The following SMARCAD1 variants were observed in gnomAD, a reference collection of about 807,000 sequenced individuals.
SMARCAD1 encodes the protein SNF2 related chromatin remodeling ATPase with DExD box 1.
In SMARCAD1, 25 loss-of-function variants were observed where a neutral mutation model predicts 127.1. The ratio of observed to expected loss-of-function variants is 0.20; its 90% CI spans 0.14 to 0.27. SMARCAD1 has a LOEUF of 0.27. SMARCAD1 is among the 10% of genes least tolerant of loss of function. The probability of loss-of-function intolerance (pLI) is 1.00; values close to 1 mark genes in which losing one functional copy is unlikely to be tolerated. For synonymous variants in SMARCAD1, 400 were observed against 396.9 expected (o/e 1.01, Z -0.09); for missense variants, 807 against 1,206.0 (o/e 0.67, Z 4.90).
chr4:94,249,553 A>G, intron 6 of SMARCAD1, 101 bp from the exon 7 acceptor site: 1 of 726,436 alleles, frequency 1.4e-6, no homozygotes, highest in South Asian at 1.5e-5. Flanking sequence ...CTGACTGATG[A>G]TGATAATTTT....
intron 9 of SMARCAD1, 21 bp downstream of exon 9, chr4:94,253,028 T>TC (rs2125918196): frequency 6.2e-7 from 1 of 1,607,370 alleles, no homozygotes; most frequent in Non-Finnish European, 8.5e-7. Flanking sequence ...ATTCTTTTTT[T>TC]CCCCTTGTAT....
At chr4:94,289,258 A>G (rs112954423) in intron 23 of SMARCAD1, among the ~76,000 whole-genome samples, 241 of 152,248 alleles carry the variant, frequency 1.6e-3, no homozygotes, top group African/African-American at 5.5e-3. Context: ...AAATAACCTT[A>G]GATTGCTATG....
In SMARCAD1 at chr4:94,276,370, C is replaced by G. The variant is rs1189321599; in HGVS notation, c.1840C>G (p.Arg614Gly). 6.2e-7 allele frequency: 1 copy of G among 1,613,900 alleles called. No individual in the cohort carries two copies. Among genetic ancestry groups the G allele is most frequent in the Non-Finnish European group, 8.5e-7 (1 of 1,180,012 alleles). Residue 614 changes from arginine (R) to glycine (G), a missense_variant, in exon 15 of 24, where the codon CGT becomes GGT. By Grantham distance (125) the Arg-to-Gly change is moderately radical. Around this residue, in one of 8 missense-constraint regions of SMARCAD1, gnomAD observed 148 missense variants for 313.2 expected, o/e 0.47. Transcript: ENST00000354268. Reference protein sequence around the residue: ...YNCAISSSDDRSLFRRLKLNY... With the variant: ...YNCAISSSDDGSLFRRLKLNY... ...CTGTGCGATCAGCAGTTCTGATGAC[C>G]GTAGTCTGTTTCGACGGCTGAAACT...
intron 5 of SMARCAD1, among the ~76,000 whole-genome samples, chr4:94,240,340 A>G (rs1160182077): frequency 1.3e-5 from 2 of 152,194 alleles, no homozygotes; most frequent in Non-Finnish European, 2.9e-5. Context: ...GCTGTACTCT[A>G]TGTTATATTC....
chr4:94,245,286 T>C (rs1339413556), intron 6 of SMARCAD1, among the ~76,000 whole-genome samples: 1 of 152,236 alleles, frequency 6.6e-6, no homozygotes, highest in African/African-American at 2.4e-5. Flanking sequence ...ATGCAGAAGA[T>C]GTCGATGACA....
chr4:94,237,041 C>G (rs776921117), intron 5 of SMARCAD1, 23 bp downstream of exon 5: 1 of 1,598,056 alleles, frequency 6.3e-7, no homozygotes, highest in Non-Finnish European at 8.6e-7. Flanking sequence ...TAATTTTAAG[C>G]CATGTCGATT....
At chr4:94,270,537 A>T in intron 10 of SMARCAD1, 191 bp from the exon 11 acceptor site, 1 of 532,188 alleles carries the variant, frequency 1.9e-6, no homozygotes, top group East Asian at 3.4e-5. Context: ...AGAATAGAGA[A>T]TAAAGTTTGA....
chr4:94,240,834 C>A, intron 5 of SMARCAD1, 72 bp from the exon 6 acceptor site: 1 of 1,101,296 alleles, frequency 9.1e-7, no homozygotes, highest in Non-Finnish European at 1.4e-6. Context: ...TACATTTTTG[C>A]CTTTGTTTTA....
chr4:94,223,295 C>A (rs142642056), intron 2 of SMARCAD1, among the ~76,000 whole-genome samples: 5,401 of 152,028 alleles, frequency 0.036, 300 homozygotes, highest in African/African-American at 0.12. Flanking sequence ...GAGTTTGAGA[C>A]CAGCCTGGCA....
chr4:94,273,361 A>G (rs3733400), intron 11 of SMARCAD1, among the ~76,000 whole-genome samples: 4,897 of 152,320 alleles, frequency 0.032, 376 homozygotes, highest in East Asian at 0.21. Context: ...AAAGTCTTCC[A>G]TATTAATGTG....
At chr4:94,232,124 G>C (rs569999736) in intron 3 of SMARCAD1, among the ~76,000 whole-genome samples, 36 of 152,136 alleles carry the variant, frequency 2.4e-4, no homozygotes, top group Non-Finnish European at 4.7e-4. Context: ...CGGCCTCCCA[G>C]AGTGCTGGGA....
rs564764164 is a variant in SMARCAD1 at position 94,208,675 on chromosome 4, A to C, written c.190+91A>C. On this transcript the variant is annotated intron_variant, in intron 2 of 23. Coordinates refer to ENST00000354268, the MANE Select transcript of SMARCAD1 (RefSeq NM_020159.5). ...GATTCTCATTTTTATTCTTGATGTC[A>C]TATATATTGATGCATTGTCCTGCGG... 11 of 1,198,872 alleles carry C rather than the reference A, an allele frequency of 9.2e-6. No homozygotes were observed. In the South Asian group the frequency reaches 1.3e-4, roughly 14 times the overall value. The allele number at this position is 1,198,872 out of a possible 1,614,324, so 74.3% of individuals were successfully genotyped here.
At chr4:94,223,758 TTTA>T (rs1250324372) in intron 2 of SMARCAD1, among the ~76,000 whole-genome samples, 11 of 55,832 alleles carry the variant, frequency 2.0e-4, no homozygotes, top group African/African-American at 4.6e-4. Context: ...TTTTTTTTTT[TTTA>T]AAGTAGAGAC....
Position 94,208,700 on chromosome 4 carries a change from G to C in SMARCAD1, c.190+116G>C, listed in dbSNP as rs532122861. The C allele has an allele frequency of 3.9e-6, 4 of 1,026,722 alleles. No individual in the cohort carries two copies. In the East Asian group the frequency reaches 1.0e-4, roughly 27 times the overall value. 63.6% of individuals were successfully genotyped at this position (1,026,722 alleles called of 1,614,324 possible). ...ATATATATTGATGCATTGTCCTGCGGTGTGCCCTTTTAAATACAGCTTTGG... is the reference window on the plus strand; with the variant it reads ...ATATATATTGATGCATTGTCCTGCGCTGTGCCCTTTTAAATACAGCTTTGG... On this transcript the variant is annotated intron_variant, in intron 2 of 23. Coordinates refer to ENST00000354268, the MANE Select transcript of SMARCAD1 (RefSeq NM_020159.5).
chr4:94,253,606 G>C lies in SMARCAD1; in HGVS notation c.1281+599G>C, dbSNP rs1313021344. The stretch of plus-strand genomic sequence containing the variant: ...TAGCAGGCTGCAGCGTTTTTAATTG[G>C]AAAGATAGAAAAATTTCTGGAAGCC... On this transcript the variant is annotated intron_variant, in intron 9 of 23. Coordinates refer to ENST00000354268, the MANE Select transcript of SMARCAD1 (RefSeq NM_020159.5). The C allele has an allele frequency of 3.9e-6, 4 of 1,029,428 alleles. No individual in the cohort carries two copies. The African/African-American group carries it at 5.2e-5, about 13-fold the overall frequency. 63.8% of individuals were successfully genotyped at this position (1,029,428 alleles called of 1,614,324 possible). A position where few individuals can be genotyped will look rare whatever the true frequency, so the allele number is the denominator to read the frequency against.
chr4:94,223,175 G>A (rs1744429175), intron 2 of SMARCAD1, among the ~76,000 whole-genome samples: 2 of 151,992 alleles, frequency 1.3e-5, no homozygotes, highest in South Asian at 4.2e-4. Context: ...CTCTGCCTCT[G>A]AGCTGTAACC....
chr4:94,277,107 A>G lies in SMARCAD1; in HGVS notation c.2030A>G (p.His677Arg). 1 of 1,614,082 alleles carries G rather than the reference A, an allele frequency of 6.2e-7. No homozygotes were observed. Among genetic ancestry groups the G allele is most frequent in the Non-Finnish European group, 8.5e-7 (1 of 1,179,960 alleles). The change falls in exon 16 of 24, where the codon CAC becomes CGC. Residue 677 changes from histidine to arginine, a missense_variant. Physicochemically the swap from His to Arg is conservative, Grantham distance 29. This residue lies in a region of SMARCAD1 where 148 missense variants were observed against 313.2 expected (regional missense o/e 0.47). Transcript: ENST00000354268. ...TCGCTGTTGAATTTTGTTATGCCACACATGTTTAGTAGTAGCACCAGTGAA... is the reference window on the plus strand; with the variant it reads ...TCGCTGTTGAATTTTGTTATGCCACGCATGTTTAGTAGTAGCACCAGTGAA... ...LMSLLNFVMP[H>R]MFSSSTSEIR... is the part of the protein sequence containing the mutation.
chr4:94,217,243 A>T (rs1260822690), intron 2 of SMARCAD1, among the ~76,000 whole-genome samples: 1 of 152,170 alleles, frequency 6.6e-6, no homozygotes, highest in Non-Finnish European at 1.5e-5. Context: ...TCCTTTGTTC[A>T]TTATTCACCA....
chr4:94,217,367 C>T (rs917266231), intron 2 of SMARCAD1, among the ~76,000 whole-genome samples: 2 of 151,982 alleles, frequency 1.3e-5, no homozygotes, highest in African/African-American at 2.4e-5. Flanking sequence ...TAATCTGTTC[C>T]TCTAATCTTA....
Sources: allele counts gnomAD v4.1 joint callset (sites outside exome capture counted in the v4.1 genomes callset), GRCh38; gene constraint gnomAD v4.1.1; regional missense constraint gnomAD v4.1.1; transcripts MANE v1.5; gene names NCBI Gene and HGNC (gene_info 2026-07-23, HGNC 2026-07-21).